The following GNG7 variants were observed in gnomAD, a reference collection of about 807,000 sequenced individuals.
The protein encoded by GNG7 is guanine nucleotide-binding protein G(I)/G(S)/G(O) subunit gamma-7.
In GNG7, 1 loss-of-function variant was observed where a neutral mutation model predicts 4.0. That is an observed-to-expected ratio of 0.25 (90% confidence interval 0.09 to 1.18). The LOEUF (loss-of-function observed/expected upper bound fraction) is 1.18. Ranked by LOEUF, GNG7 falls within the 50% of genes most tolerant of loss-of-function variation. The pLI, the probability that GNG7 is intolerant of heterozygous loss-of-function variation, is 0.50. For synonymous variants in GNG7, 34 were observed against 36.9 expected (o/e 0.92, Z 0.29); for missense variants, 86 against 91.9 (o/e 0.94, Z 0.26).
intron 2 of GNG7, among the ~76,000 whole-genome samples, chr19:2,576,194 A>G (rs1980333623): frequency 6.6e-6 from 1 of 152,260 alleles, no homozygotes; most frequent in South Asian, 2.1e-4. Flanking sequence ...GGCAGGCTCC[A>G]AGACTGAGTT....
At chr19:2,583,853 C>T (rs1980568864) in intron 2 of GNG7, among the ~76,000 whole-genome samples, 1 of 151,782 alleles carries the variant, frequency 6.6e-6, no homozygotes, top group Non-Finnish European at 1.5e-5. Context: ...TGTCGCAAAT[C>T]CATATTTGAT....
At chr19:2,568,319 A>G (rs1040439801) in intron 2 of GNG7, among the ~76,000 whole-genome samples, 4 of 151,528 alleles carry the variant, frequency 2.6e-5, no homozygotes, top group Admixed American at 2.0e-4. Context: ...ACACACGCAC[A>G]CACACATATA....
chr19:2,604,512 C>T (rs530904377), intron 2 of GNG7, among the ~76,000 whole-genome samples: 1 of 49,310 alleles, frequency 2.0e-5, no homozygotes, highest in Non-Finnish European at 3.8e-5. Context: ...AGGAAGGAAG[C>T]GAGGGAGGGA....
intron 2 of GNG7, among the ~76,000 whole-genome samples, chr19:2,628,673 C>G (rs1274797040): frequency 1.3e-5 from 2 of 149,914 alleles, no homozygotes; most frequent in African/African-American, 2.5e-5. Context: ...TGAACAACAG[C>G]TCCCCTCTTC....
At chr19:2,627,595 G>A (rs1220696674) in intron 2 of GNG7, among the ~76,000 whole-genome samples, 1 of 152,198 alleles carries the variant, frequency 6.6e-6, no homozygotes, top group Non-Finnish European at 1.5e-5. Context: ...GTCTCACATG[G>A]GCCAGAGGGT....
At position 2,548,500 on chromosome 19, in the gene GNG7, A is replaced by AC. The variant is rs1330360223; in HGVS notation, c.-38+6648_-38+6649insG. On this transcript the variant is annotated intron_variant, in intron 3 of 4. Coordinates refer to ENST00000382159, the MANE Select transcript of GNG7 (RefSeq NM_052847.3). ...TGTCTGGAAAAAAAAAAAAAAAAAA[A>AC]AAACCTAGCCAGGCCCAGTGGCTCA... Among the ~76,000 whole-genome samples, 90 of 149,020 alleles carry AC rather than the reference A, an allele frequency of 6.0e-4. 1 individual carries two copies. The highest frequency in any genetic ancestry group is 2.2e-3 in the African/African-American group (87 of 40,356).
At chr19:2,589,112 G>C (rs1445742672) in intron 2 of GNG7, among the ~76,000 whole-genome samples, 1 of 151,852 alleles carries the variant, frequency 6.6e-6, no homozygotes, top group Non-Finnish European at 1.5e-5. Context: ...ATTTTTAGTA[G>C]AGATGGGGTT....
chr19:2,559,142 A>T (rs1431638113), intron 2 of GNG7, among the ~76,000 whole-genome samples: 1 of 151,856 alleles, frequency 6.6e-6, no homozygotes, highest in African/African-American at 2.4e-5. Flanking sequence ...ATATATATAC[A>T]CACACACACA....
chr19:2,628,014 T>C (rs150049783), intron 2 of GNG7, among the ~76,000 whole-genome samples: 185 of 152,354 alleles, frequency 1.2e-3, no homozygotes, highest in Non-Finnish European at 1.2e-3. Flanking sequence ...CACAACACAG[T>C]TGCCATGTGA....
In GNG7 at chr19:2,653,671, A is replaced by G. The variant is rs1982888241; in HGVS notation, c.-134-7391T>C. 1.3e-5 allele frequency among the ~76,000 whole-genome samples: 2 copies of G among 151,794 alleles called. No homozygotes were observed. Among genetic ancestry groups the G allele is most frequent in the African/African-American group, 4.8e-5 (2 of 41,274 alleles). The stretch of plus-strand genomic sequence containing the variant: ...GAGCTGAGCAGCGTCCCTGGCCTCC[A>G]CCCACCCCATGCCAGGGGCATCCCC... On this transcript the variant is annotated intron_variant, in intron 1 of 4. Transcript: ENST00000382159. This position sits in a 1 kb window ranked among gnomAD's most constrained non-coding sequence, Gnocchi z 4.8.
At chr19:2,685,711 C>T (rs563262633) in intron 1 of GNG7, among the ~76,000 whole-genome samples, 1 of 152,102 alleles carries the variant, frequency 6.6e-6, no homozygotes, top group Non-Finnish European at 1.5e-5. Flanking sequence ...TGGGAAGTCA[C>T]GAGGCCCCGT....
At position 2,598,296 on chromosome 19, in the gene GNG7, G is replaced by A. The variant is rs376825247; in HGVS notation, c.-77-43108C>T. ...CCCAGCACTTTGGGAGGCCAAGGTGGGCGGATCACCTGAGGTCAGGAGTTC... is the reference window on the plus strand; with the variant it reads ...CCCAGCACTTTGGGAGGCCAAGGTGAGCGGATCACCTGAGGTCAGGAGTTC... On this transcript the variant is annotated intron_variant, in intron 2 of 4. Coordinates refer to ENST00000382159, the MANE Select transcript of GNG7 (RefSeq NM_052847.3). Among the ~76,000 whole-genome samples, 7 of 152,268 alleles carry A rather than the reference G, an allele frequency of 4.6e-5. No individual in the cohort carries two copies. The East Asian group carries it at 1.4e-3, about 29-fold the overall frequency.
intron 1 of GNG7, among the ~76,000 whole-genome samples, chr19:2,678,496 G>C (rs997378455): frequency 6.6e-6 from 1 of 152,206 alleles, no homozygotes; most frequent in Non-Finnish European, 1.5e-5. Flanking sequence ...ACAGTGGGCA[G>C]GTGGGTCACA....
chr19:2,535,561 A>G (rs1028224082), intron 3 of GNG7, among the ~76,000 whole-genome samples: 9 of 151,742 alleles, frequency 5.9e-5, no homozygotes, highest in African/African-American at 9.7e-5. Flanking sequence ...TGTTCAAGAG[A>G]CATTTGCTTG....
chr19:2,637,887 G>C (rs764093708), intron 2 of GNG7, among the ~76,000 whole-genome samples: 1 of 152,182 alleles, frequency 6.6e-6, no homozygotes, highest in Non-Finnish European at 1.5e-5. Flanking sequence ...AAGAGACTCC[G>C]CGTCCCATGA....
rs896150203 is a variant in GNG7, at chr19:2,609,181, C to G, written c.-78+37043G>C. Among the ~76,000 whole-genome samples the G allele has an allele frequency of 2.0e-5, 3 of 152,070 alleles. No individual in the cohort carries two copies. The highest frequency in any genetic ancestry group is 7.2e-5 in the African/African-American group (3 of 41,396). The stretch of plus-strand genomic sequence containing the variant: ...AGCTGGGATTACAGGCATGCACCAC[C>G]ACACCTGGCTAATTTTTAATTTTTC... On this transcript the variant is annotated intron_variant, in intron 2 of 4. Coordinates refer to ENST00000382159, the MANE Select transcript of GNG7 (RefSeq NM_052847.3). The surrounding 1 kb of genome is among the most constrained non-coding windows in gnomAD (Gnocchi z 4.4).
intron 3 of GNG7, among the ~76,000 whole-genome samples, chr19:2,529,986 A>C (rs916312965): frequency 6.6e-6 from 1 of 152,208 alleles, no homozygotes; most frequent in African/African-American, 2.4e-5. Context: ...GATCAAGAGG[A>C]TCTAGAATAT....
rs140946668 is a variant in GNG7, at chr19:2,536,143, C to T, written c.-37-15418G>A. 3.3e-5 allele frequency among the ~76,000 whole-genome samples: 5 copies of T among 151,668 alleles called. No individual in the cohort carries two copies. In the South Asian group the frequency reaches 8.3e-4, roughly 25 times the overall value. On this transcript the variant is annotated intron_variant, in intron 3 of 4. Coordinates refer to ENST00000382159, the MANE Select transcript of GNG7 (RefSeq NM_052847.3). ...ATCTCAAAAAGAAAAGAAGGCCGGG[C>T]GCGGTGGCTCCCACCCGTAATCCCA...
chr19:2,519,597 A>AT (rs1170074823), intron 4 of GNG7, among the ~76,000 whole-genome samples: 40,265 of 140,492 alleles, frequency 0.29, 5,919 homozygotes, highest in East Asian at 0.45. Flanking sequence ...CACATGCAAA[A>AT]TTTTTTTTTT....
Sources: allele counts gnomAD v4.1 joint callset (sites outside exome capture counted in the v4.1 genomes callset), GRCh38; gene constraint gnomAD v4.1.1; non-coding constraint Gnocchi (gnomAD v3.1); transcripts MANE v1.5; gene names NCBI Gene and HGNC (gene_info 2026-07-23, HGNC 2026-07-21).